ARHGAP12: variants seen among roughly 807,000 people sequenced by gnomAD.
ARHGAP12 encodes the protein Rho GTPase activating protein 12.
A neutral mutation model predicts 108.6 loss-of-function variants in ARHGAP12; 64 were observed. The ratio of observed to expected loss-of-function variants is 0.59; its 90% CI spans 0.48 to 0.73. The LOEUF (loss-of-function observed/expected upper bound fraction) is 0.73, where lower values mean the gene tolerates loss of function less well. ARHGAP12 is among the 30% of genes least tolerant of loss of function. The probability of loss-of-function intolerance (pLI) is 0.00; values close to 1 mark genes in which losing one functional copy is unlikely to be tolerated. For missense variants in ARHGAP12, 940 were observed against 1,005.9 expected, an observed-to-expected ratio of 0.93 and a Z score of 0.89; for synonymous variants, 312 against 337.2, an observed-to-expected ratio of 0.93 and a Z score of 0.82.
intron 1 of ARHGAP12, among the ~76,000 whole-genome samples, chr10:31,926,898 T>A (rs1027244099): frequency 9.2e-5 from 14 of 152,370 alleles, no homozygotes; most frequent in African/African-American, 3.4e-4. Context: ...TTGATAATTA[T>A]ATATGAACAA....
chr10:31,878,895 G>A (rs894585522), intron 3 of ARHGAP12, among the ~76,000 whole-genome samples: 1 of 152,208 alleles, frequency 6.6e-6, no homozygotes, highest in Non-Finnish European at 1.5e-5. Context: ...AGATGAATAT[G>A]TATTGTTCTT....
At chr10:31,896,949 C>T (rs574753050) in intron 3 of ARHGAP12, among the ~76,000 whole-genome samples, 2 of 149,558 alleles carry the variant, frequency 1.3e-5, no homozygotes, top group South Asian at 4.3e-4. Flanking sequence ...GAACAGAAAC[C>T]CTGGAGCTAT....
chr10:31,839,495 C>T (rs1440157947), intron 8 of ARHGAP12, 142 bp downstream of exon 8: 6 of 1,110,652 alleles, frequency 5.4e-6, no homozygotes, highest in Non-Finnish European at 7.5e-6. Context: ...GATTGTTAAA[C>T]TTATTTTGAT....
At chr10:31,835,251 AT>A (rs1835973044) in intron 9 of ARHGAP12, among the ~76,000 whole-genome samples, 1 of 151,946 alleles carries the variant, frequency 6.6e-6, no homozygotes, top group Admixed American at 6.6e-5. Context: ...ATTTCATACT[AT>A]TTAGTATACT....
At chr10:31,876,505 T>C (rs1321599672) in intron 3 of ARHGAP12, among the ~76,000 whole-genome samples, 3 of 142,000 alleles carry the variant, frequency 2.1e-5, no homozygotes, top group Admixed American at 1.4e-4. Context: ...CAAGACTCCA[T>C]CTCAAAAAAA....
Position 31,854,108 on chromosome 10 carries a change from T to C in ARHGAP12, c.1047A>G (p.Glu349=). 1 of 1,613,882 alleles carries C rather than the reference T, an allele frequency of 6.2e-7. No individual in the cohort carries two copies. The highest frequency in any genetic ancestry group is 8.5e-7 in the Non-Finnish European group (1 of 1,179,904). The change falls in exon 5 of 20, where the codon GAA becomes GAG. Residue 349 remains glutamate (E), a synonymous_variant. Coordinates refer to ENST00000344936, the MANE Select transcript of ARHGAP12 (RefSeq NM_018287.7). ...CACTGGTATATAAGGTATGCCCACG[T>C]TCATCCAACTCTTCTGACCAACCCC... ...PPRGWSEELD[E]RGHTLYTSDY...
intron 3 of ARHGAP12, among the ~76,000 whole-genome samples, chr10:31,896,395 A>G (rs559531524): frequency 6.7e-6 from 1 of 150,008 alleles, no homozygotes; most frequent in Admixed American, 6.7e-5. Context: ...TTGCATTTTT[A>G]AAATAATATG....
intron 13 of ARHGAP12, among the ~76,000 whole-genome samples, chr10:31,816,760 G>C (rs1337611668): frequency 1.3e-5 from 2 of 151,998 alleles, no homozygotes; most frequent in Non-Finnish European, 2.9e-5. Context: ...GATTAAATAA[G>C]GAAAAAACTG....
intron 3 of ARHGAP12, among the ~76,000 whole-genome samples, chr10:31,868,629 G>A (rs1026012559): frequency 2.0e-5 from 3 of 152,018 alleles, no homozygotes; most frequent in African/African-American, 7.2e-5. Context: ...AGTGGCTGGG[G>A]GTTAGTCAAG....
intron 5 of ARHGAP12, 132 bp from the exon 6 acceptor site, chr10:31,852,729 CTTTTTTTTTTTT>C (rs398013156): frequency 3.3e-4 from 77 of 230,340 alleles, no homozygotes; most frequent in African/African-American, 2.7e-3. Context: ...ACAAAAAATT[CTTTTTTTTTTTT>C]TTTTTTTTTT....
intron 3 of ARHGAP12, among the ~76,000 whole-genome samples, chr10:31,862,705 G>GACACACAC (rs559731195): frequency 9.9e-4 from 132 of 133,176 alleles, no homozygotes; most frequent in East Asian, 7.8e-3. Context: ...TGCACACACA[G>GACACACAC]ACACACACAC....
At chr10:31,886,597 C>T (rs893481634) in intron 3 of ARHGAP12, among the ~76,000 whole-genome samples, 1 of 152,150 alleles carries the variant, frequency 6.6e-6, no homozygotes, top group Non-Finnish European at 1.5e-5. Context: ...ATACTGACAT[C>T]ATATTCCAAA....
chr10:31,863,951 T>C (rs1200216589), intron 3 of ARHGAP12, among the ~76,000 whole-genome samples: 1 of 152,096 alleles, frequency 6.6e-6, no homozygotes, highest in Non-Finnish European at 1.5e-5. Flanking sequence ...AAAGTCAAGA[T>C]TAAAATTGAA....
chr10:31,914,842 C>T (rs1214144073), intron 1 of ARHGAP12, among the ~76,000 whole-genome samples: 9 of 152,208 alleles, frequency 5.9e-5, no homozygotes, highest in African/African-American at 2.2e-4. Context: ...TGCACTCCCA[C>T]ATTTACTGCA....
chr10:31,872,146 C>T (rs1592317477), intron 3 of ARHGAP12, among the ~76,000 whole-genome samples: 2 of 152,160 alleles, frequency 1.3e-5, no homozygotes, highest in South Asian at 4.1e-4. Flanking sequence ...CAAATTGGCA[C>T]TCAATAAGTT....
At position 31,888,478 on chromosome 10, in the gene ARHGAP12, C is replaced by T. The variant is rs979363667; in HGVS notation, c.684+19694G>A. On this transcript the variant is annotated intron_variant, in intron 3 of 19. Transcript: ENST00000344936. ...AGGTGCCAAAACTTGTCTACAGCCA[C>T]GTGGATGAAATATCTTTGGAAGAAT... Among the ~76,000 whole-genome samples, 8 of 152,274 alleles carry T rather than the reference C, an allele frequency of 5.3e-5. No individual in the cohort carries two copies. The East Asian group carries it at 9.7e-4, about 18-fold the overall frequency.
At chr10:31,872,136 CA>C (rs1837563669) in intron 3 of ARHGAP12, among the ~76,000 whole-genome samples, 1 of 152,154 alleles carries the variant, frequency 6.6e-6, no homozygotes, top group African/African-American at 2.4e-5. Flanking sequence ...AGCACTTGCA[CA>C]AATTGGCACT....
chr10:31,911,779 A>G (rs1036860609), intron 1 of ARHGAP12, among the ~76,000 whole-genome samples: 1 of 152,244 alleles, frequency 6.6e-6, no homozygotes, highest in Non-Finnish European at 1.5e-5. Context: ...TCTTGTCAAA[A>G]GCATGTTTCA....
rs756618286 is a variant in ARHGAP12 at position 31,826,294 on chromosome 10, A to G, written c.1530+10T>C. 66 of 1,599,090 alleles carry G rather than the reference A, an allele frequency of 4.1e-5. No individual in the cohort carries two copies. The highest frequency in any genetic ancestry group is 5.3e-5 in the Non-Finnish European group (62 of 1,170,728). ...AATGTATAAAATCTCCAAAGAGAAG[A>G]AATACTTACCCAACTTGTGCTACTT... On this transcript the variant is annotated intron_variant, in intron 11 of 19. Coordinates refer to ENST00000344936, the MANE Select transcript of ARHGAP12 (RefSeq NM_018287.7).
Sources: allele counts gnomAD v4.1 joint callset (sites outside exome capture counted in the v4.1 genomes callset), GRCh38; gene constraint gnomAD v4.1.1; transcripts MANE v1.5; gene names NCBI Gene and HGNC (gene_info 2026-07-23, HGNC 2026-07-21).